Variants in SI observed in about 807,000 individuals in gnomAD.
The protein encoded by SI is sucrase-isomaltase.
Under a neutral mutation model 253.3 loss-of-function variants are expected in SI, and 235 were observed. That is an observed-to-expected ratio of 0.93 (90% CI 0.83 to 1.03). SI has a LOEUF of 1.03. Ranked by LOEUF, SI falls within the 50% of genes least tolerant of loss-of-function variation. The pLI is 0.00. For synonymous variants in SI, 819 were observed against 712.0 expected (o/e 1.15, Z -2.39); for missense variants, 2,442 against 2,211.1 (o/e 1.10, Z -2.09).
Position 165,062,561 on chromosome 3 carries a change from T to A in SI, c.908-78A>T, listed in dbSNP as rs937174689. On this transcript the variant is annotated intron_variant, in intron 8 of 47. Coordinates refer to ENST00000264382, the MANE Select transcript of SI (RefSeq NM_001041.4). ...AATTAATTGCAAAGTCCATTTAAAT[T>A]AATTTGTATTAACTACATTATTTTA... The A allele has an allele frequency of 2.0e-5, 15 of 735,150 alleles. No homozygotes were observed. In the African/African-American group the frequency reaches 2.6e-4, roughly 13 times the overall value. The allele number at this position is 735,150 out of a possible 1,614,324, so 45.5% of individuals were successfully genotyped here. A position where few individuals can be genotyped will look rare whatever the true frequency, so the allele number is the denominator to read the frequency against.
At chr3:165,071,708 A>C (rs1202762983) in intron 3 of SI, among the ~76,000 whole-genome samples, 1 of 152,062 alleles carries the variant, frequency 6.6e-6, no homozygotes, top group Non-Finnish European at 1.5e-5. Context: ...TGTCCTTATA[A>C]GAAGAGGAAA....
chr3:165,010,896 G>A (rs1718741119), intron 34 of SI, among the ~76,000 whole-genome samples: 1 of 152,084 alleles, frequency 6.6e-6, no homozygotes, highest in African/African-American at 2.4e-5. Flanking sequence ...ATAGTGGGTG[G>A]AACTCAAGTT....
intron 22 of SI, among the ~76,000 whole-genome samples, chr3:165,034,694 G>A (rs1674875154): frequency 6.6e-6 from 1 of 152,016 alleles, no homozygotes; most frequent in Non-Finnish European, 1.5e-5. Flanking sequence ...GTGTGTGTGG[G>A]TGCGTGTATG....
chr3:165,072,904 T>C (rs1714675444), intron 3 of SI, among the ~76,000 whole-genome samples: 1 of 152,166 alleles, frequency 6.6e-6, no homozygotes, highest in South Asian at 2.1e-4. Context: ...TTTTGAGATA[T>C]ACTAAGTTAA....
At chr3:165,029,239 T>G (rs557952123) in intron 25 of SI, among the ~76,000 whole-genome samples, 1 of 150,744 alleles carries the variant, frequency 6.6e-6, no homozygotes, top group Non-Finnish European at 1.5e-5. Context: ...AATACCACCT[T>G]ACTCCTTCAA....
At chr3:164,993,712 G>C (rs1379503787) in intron 41 of SI, among the ~76,000 whole-genome samples, 5 of 151,538 alleles carry the variant, frequency 3.3e-5, no homozygotes, top group Non-Finnish European at 7.4e-5. Context: ...TTGCAAATAT[G>C]CTCCATGAAA....
the SI span, among the ~76,000 whole-genome samples, chr3:165,085,531 C>T: frequency 1.1e-4 from 16 of 152,228 alleles, no homozygotes; most frequent in South Asian, 2.3e-3. Flanking sequence ...AATCAAGAAA[C>T]GCTGTCCAGC....
At chr3:165,046,130 C>T (rs984077547) in intron 16 of SI, among the ~76,000 whole-genome samples, 2 of 151,930 alleles carry the variant, frequency 1.3e-5, no homozygotes, top group Non-Finnish European at 2.9e-5. Context: ...CTTGTCCAGC[C>T]TATTTTTCAA....
intron 23 of SI, 40 bp downstream of exon 23, chr3:165,033,355 A>C: frequency 6.6e-7 from 1 of 1,509,908 alleles, no homozygotes; most frequent in Non-Finnish European, 8.9e-7. Flanking sequence ...AGGCATGAAC[A>C]AATTATGCAT....
chr3:165,043,365 T>C (rs1712948656), intron 16 of SI, among the ~76,000 whole-genome samples, 190 bp from the exon 17 acceptor site: 1 of 152,058 alleles, frequency 6.6e-6, no homozygotes. Flanking sequence ...TTATTTTATA[T>C]GTTCTTTCCT....
Position 164,979,424 on chromosome 3 carries a change from G to T in SI, c.5422C>A (p.Arg1808Ser), listed in dbSNP as rs201372251. 2 of 1,517,342 alleles carry T rather than the reference G, an allele frequency of 1.3e-6. No individual in the cohort carries two copies. The highest frequency in any genetic ancestry group is 1.8e-6 in the Non-Finnish European group (2 of 1,094,582). 94.0% of individuals were successfully genotyped at this position (1,517,342 alleles called of 1,614,324 possible). The change falls in exon 48 of 48, where the codon CGT (arginine) becomes AGT (serine). Residue 1808 changes from arginine (R) to serine (S), a missense_variant. Transcript: ENST00000264382. Reference sequence around the variant, plus strand: ...ACATTGTGTGTGGTCAGATCAATACGTAATATCTAAAAAAGTAAAATAATA... The same window carrying T: ...ACATTGTGTGTGGTCAGATCAATACTTAATATCTAAAAAAGTAAAATAATA... ...FNEDTTNMIL[R>S]IDLTTHNVTL... is the part of the protein sequence containing the mutation.
At chr3:165,015,929 T>C (rs1719002706) in intron 32 of SI, 23 bp downstream of exon 32, 2 of 1,593,748 alleles carry the variant, frequency 1.3e-6, no homozygotes, top group Non-Finnish European at 1.7e-6. Flanking sequence ...GAAATAAGAC[T>C]CAGGTAAACT....
Position 165,055,263 on chromosome 3 carries a change from G to A in SI, c.1443C>T (p.Asn481=). 2 of 1,611,412 alleles carry A rather than the reference G, an allele frequency of 1.2e-6. No individual in the cohort carries two copies. The highest frequency in any genetic ancestry group is 1.7e-6 in the Non-Finnish European group (2 of 1,178,180). The change falls in exon 13 of 48, where the codon AAC becomes AAT. Residue 481 remains asparagine, a synonymous_variant. Transcript: ENST00000264382. ...LTVYPDFTNP[N]CIDWWANECS... is the part of the protein sequence containing the mutation. ...ATTCATTTGCCCACCAATCAATGCA[G>A]TTTGGGTTAGTGAAATCAGGGTATA...
At chr3:165,085,703 CAA>C in the SI span, among the ~76,000 whole-genome samples, 1 of 152,028 alleles carries the variant, frequency 6.6e-6, no homozygotes, top group African/African-American at 2.4e-5. Flanking sequence ...CTACTGGATG[CAA>C]AAGTCTCAAT....
intron 41 of SI, 143 bp downstream of exon 41, chr3:164,994,114 C>T (rs1576872737): frequency 4.4e-6 from 3 of 688,148 alleles, no homozygotes; most frequent in Non-Finnish European, 5.1e-6. Flanking sequence ...TGTGTAAATG[C>T]TTTATTAATA....
chr3:164,987,469 G>A (rs896057590), intron 44 of SI, among the ~76,000 whole-genome samples: 1 of 152,184 alleles, frequency 6.6e-6, no homozygotes, highest in African/African-American at 2.4e-5. Flanking sequence ...CCAGCACTTT[G>A]GGAGGCCAAG....
Position 165,016,011 on chromosome 3 carries a change from C to G in SI, c.3829G>C (p.Asp1277His). 6.2e-7 allele frequency: 1 copy of G among 1,611,884 alleles called. No individual in the cohort carries two copies. Among genetic ancestry groups the G allele is most frequent in the Non-Finnish European group, 8.5e-7 (1 of 1,178,194 alleles). ...ATTTTGTCAACAAACTGAGGAAGGT[C>G]CTGGAATGCTTCACCAATTGTAAAG... ...LDFTIGEAFQDLPQFVDKIRG... is the reference protein window; with the variant it reads ...LDFTIGEAFQHLPQFVDKIRG... Residue 1277 changes from aspartate (D) to histidine (H), a missense_variant, in exon 32 of 48, where the codon GAC (aspartate) becomes CAC (histidine). Physicochemically the swap from Asp to His is moderately conservative, Grantham distance 81. Transcript: ENST00000264382.
At chr3:165,065,602 T>G (rs967686084) in intron 6 of SI, among the ~76,000 whole-genome samples, 170 bp from the exon 7 acceptor site, 1 of 150,128 alleles carries the variant, frequency 6.7e-6, no homozygotes, top group African/African-American at 2.4e-5. Context: ...AATTACCCCA[T>G]AAAAGAAATT....
intron 7 of SI, among the ~76,000 whole-genome samples, chr3:165,064,702 G>C (rs181262734): frequency 2.6e-5 from 4 of 152,202 alleles, no homozygotes. Flanking sequence ...CCTTATGGGA[G>C]AGTTTGGGAG....
Sources: allele counts gnomAD v4.1 joint callset (sites outside exome capture counted in the v4.1 genomes callset), GRCh38; gene constraint gnomAD v4.1.1; transcripts MANE v1.5; gene names NCBI Gene and HGNC (gene_info 2026-07-23, HGNC 2026-07-21).